Variants in KLHL32 observed in about 807,000 individuals in gnomAD.
KLHL32 encodes kelch like family member 32.
In KLHL32, 35 loss-of-function variants were observed where a neutral mutation model predicts 64.8. The observed-to-expected ratio is 0.54, with a 90% CI of 0.41 to 0.72. The LOEUF (loss-of-function observed/expected upper bound fraction) is 0.72. Among genes scored for constraint, KLHL32 ranks in the 30% least tolerant of loss-of-function variants. The probability of loss-of-function intolerance (pLI) is 0.00; values close to 1 mark genes in which losing one functional copy is unlikely to be tolerated. For synonymous variants in KLHL32, 259 were observed against 281.0 expected (o/e 0.92, Z 0.78); for missense variants, 589 against 768.5 (o/e 0.77, Z 2.76).
chr6:97,066,142 C>G (rs879408245), intron 5 of KLHL32, among the ~76,000 whole-genome samples: 16 of 152,146 alleles, frequency 1.1e-4, no homozygotes, highest in Non-Finnish European at 1.9e-4. Context: ...ATTAAAATTA[C>G]TTTTATTTGA....
intron 3 of KLHL32, among the ~76,000 whole-genome samples, chr6:96,987,963 G>T (rs75390245): frequency 0.29 from 42,951 of 148,318 alleles, 4,674 homozygotes; most frequent in African/African-American, 0.42. Context: ...CAAGATGGAT[G>T]AAAGACTTAC....
chr6:97,062,779 C>G (rs1789121987), intron 4 of KLHL32, among the ~76,000 whole-genome samples: 1 of 152,078 alleles, frequency 6.6e-6, no homozygotes. Context: ...GAAAAATTAG[C>G]AAATAGGCAA....
chr6:97,043,997 A>G (rs918942563), intron 4 of KLHL32, among the ~76,000 whole-genome samples: 21 of 150,918 alleles, frequency 1.4e-4, no homozygotes, highest in Non-Finnish European at 1.5e-5. Context: ...TTTCTTGTCT[A>G]ATTTCTCTGG....
In KLHL32 at chr6:97,139,392, T is replaced by G; in HGVS notation, c.*110T>G. On this transcript the variant is annotated 3_prime_UTR_variant, in exon 11 of 11. Transcript: ENST00000369261. ...CTTGTCTTGCTTTATAGGTCTTATA[T>G]TCGGATAAATTTAAGCAAAAAATGA... is the stretch of plus-strand genomic sequence containing the variant. 2.1e-6 allele frequency: 2 copies of G among 974,698 alleles called. No homozygotes were observed. The highest frequency in any genetic ancestry group is 3.0e-6 in the Non-Finnish European group (2 of 662,554). 60.4% of individuals were successfully genotyped at this position (974,698 alleles called of 1,614,324 possible).
intron 3 of KLHL32, among the ~76,000 whole-genome samples, chr6:96,985,441 C>G (rs1297372036): frequency 1.3e-5 from 2 of 152,178 alleles, no homozygotes; most frequent in Non-Finnish European, 2.9e-5. Context: ...TGGGGAAGTT[C>G]TCCTAGATCA....
At chr6:96,922,505 TAAA>T, upstream of KLHL32, among the ~76,000 whole-genome samples, 1 of 150,266 alleles carries the variant, frequency 6.7e-6, no homozygotes, top group African/African-American at 2.4e-5. Flanking sequence ...ACTCACACTT[TAAA>T]AAAAAAAAAT....
rs969264671 is a variant in KLHL32 at position 96,988,349 on chromosome 6, A to G, written c.204+12172A>G. On this transcript the variant is annotated intron_variant, in intron 3 of 10. Coordinates refer to ENST00000369261, the MANE Select transcript of KLHL32 (RefSeq NM_052904.4). ...ATTTATGCAGCCAAAAGACACATGA[A>G]AAAATGCTCATCATCACTGGCCATC... Among the ~76,000 whole-genome samples the G allele has an allele frequency of 6.6e-5, 10 of 152,220 alleles. 1 individual carries two copies. Among genetic ancestry groups the G allele is most frequent in the Admixed American group, 5.9e-4 (9 of 15,286 alleles).
At chr6:96,911,821 C>CCTCTTTTTTT in the KLHL32 span, among the ~76,000 whole-genome samples, 1 of 53,512 alleles carries the variant, frequency 1.9e-5, no homozygotes, top group Non-Finnish European at 3.9e-5. Flanking sequence ...CTGCTCGGTC[C>CCTCTTTTTTT]TTCTTTTTTT....
intron 6 of KLHL32, among the ~76,000 whole-genome samples, chr6:97,099,704 C>T (rs1375642986): frequency 6.6e-6 from 1 of 152,148 alleles, no homozygotes; most frequent in African/African-American, 2.4e-5. Flanking sequence ...TTCTCCCACC[C>T]GAACTAAGCC....
intron 1 of KLHL32, among the ~76,000 whole-genome samples, chr6:96,958,942 C>T (rs1429689337): frequency 1.3e-5 from 2 of 152,118 alleles, no homozygotes; most frequent in South Asian, 2.1e-4. Flanking sequence ...TGTGCGTCTA[C>T]ACTTTGGACC....
rs142041286 is a variant in KLHL32 at position 97,111,462 on chromosome 6, C to T, written c.628-2321C>T. Among the ~76,000 whole-genome samples the T allele has an allele frequency of 6.2e-3, 948 of 152,300 alleles. 4 individuals carry two copies. Among genetic ancestry groups the T allele is most frequent in the Middle Eastern group, 0.017 (5 of 294 alleles). On this transcript the variant is annotated intron_variant, in intron 6 of 10. Transcript: ENST00000369261. Reference sequence around the variant, plus strand: ...CCAGCAGAGGTAAACTTCACTCACTCGAACCCGCTGCACCCAACCCCTCAT... The same window carrying T: ...CCAGCAGAGGTAAACTTCACTCACTTGAACCCGCTGCACCCAACCCCTCAT...
At chr6:97,115,257 C>A (rs13203196) in intron 7 of KLHL32, among the ~76,000 whole-genome samples, 1 of 152,210 alleles carries the variant, frequency 6.6e-6, no homozygotes, top group African/African-American at 2.4e-5. Flanking sequence ...CTCAAGCAAT[C>A]CACCAGTCTT....
chr6:96,922,233 G>A (rs567926733), upstream of KLHL32, among the ~76,000 whole-genome samples: 1 of 152,070 alleles, frequency 6.6e-6, no homozygotes, highest in South Asian at 2.1e-4. Context: ...TAAAACAACT[G>A]GAAGCTGCAG....
intron 3 of KLHL32, among the ~76,000 whole-genome samples, chr6:97,008,125 C>T (rs796333554): frequency 7.9e-5 from 12 of 152,202 alleles, no homozygotes; most frequent in African/African-American, 2.9e-4. Context: ...GGTTGTCTGG[C>T]ATTTGTGCCA....
intron 4 of KLHL32, among the ~76,000 whole-genome samples, chr6:97,063,221 C>G (rs963442241): frequency 1.3e-5 from 2 of 152,176 alleles, no homozygotes; most frequent in Non-Finnish European, 2.9e-5. Flanking sequence ...GAGGAATGGA[C>G]TGGACTAAAG....
chr6:96,921,858 G>A (rs1339794424), upstream of KLHL32, among the ~76,000 whole-genome samples: 1 of 152,068 alleles, frequency 6.6e-6, no homozygotes, highest in African/African-American at 2.4e-5. Flanking sequence ...TTGGCTCATG[G>A]ACAAGCTGAT....
rs1797514281 is a variant in KLHL32, at chr6:97,113,878, C to T, written c.723C>T (p.Leu241=). 1.2e-6 allele frequency: 2 copies of T among 1,614,118 alleles called. No individual in the cohort carries two copies. Among genetic ancestry groups the T allele is most frequent in the African/African-American group, 2.7e-5 (2 of 75,018 alleles). The stretch of plus-strand genomic sequence containing the variant: ...TTGGCCTAATGGATGTGGATACTCT[C>T]CATACAGTTGCCCTGTCCCACCCCC... The part of the protein sequence containing the change: ...IRFGLMDVDT[L]HTVALSHPLV... The change falls in exon 7 of 11, where the codon CTC becomes CTT. Residue 241 remains leucine, a synonymous_variant. Transcript: ENST00000369261.
intron 5 of KLHL32, among the ~76,000 whole-genome samples, chr6:97,078,619 T>C (rs1309143318): frequency 2.0e-5 from 3 of 152,174 alleles, no homozygotes; most frequent in African/African-American, 7.2e-5. Context: ...AAGTCATAGT[T>C]TTCTATAGTG....
intron 3 of KLHL32, among the ~76,000 whole-genome samples, chr6:97,036,672 G>C (rs1784336896): frequency 1.3e-5 from 2 of 152,188 alleles, no homozygotes; most frequent in Non-Finnish European, 2.9e-5. Context: ...ACTGGTTTTG[G>C]GGATTGTGTG....
Sources: allele counts gnomAD v4.1 joint callset (sites outside exome capture counted in the v4.1 genomes callset), GRCh38; gene constraint gnomAD v4.1.1; transcripts MANE v1.5; gene names NCBI Gene and HGNC (gene_info 2026-07-23, HGNC 2026-07-21).